Variants in RTEL1 observed in about 807,000 individuals in gnomAD.
RTEL1 encodes regulator of telomere elongation helicase 1.
RTEL1 carries 86 observed loss-of-function variants against 162.2 expected under a neutral mutation model. The observed-to-expected ratio is 0.53, with a 90% CI of 0.45 to 0.63. RTEL1 has a LOEUF of 0.63. Among genes scored for constraint, RTEL1 ranks in the 30% least tolerant of loss-of-function variants. The pLI is 0.00. For missense variants in RTEL1, 1,941 were observed against 1,750.2 expected (o/e 1.11, Z -1.95); for synonymous variants, 958 against 717.9 (o/e 1.33, Z -5.35).
intron 6 of RTEL1, among the ~76,000 whole-genome samples, chr20:63,664,209 G>T (rs1234608750): frequency 2.0e-5 from 3 of 152,156 alleles, no homozygotes; most frequent in African/African-American, 7.2e-5. Context: ...CTGGGACGGG[G>T]GGTTGGGCAG....
intron 30 of RTEL1, 128 bp downstream of exon 30, chr20:63,693,411 G>T (rs1375157522): frequency 9.0e-7 from 1 of 1,113,134 alleles, no homozygotes; most frequent in Non-Finnish European, 1.3e-6. Context: ...CCCTATGGGA[G>T]TGATGGGGGC....
At chr20:63,690,503 G>GGGGGGGGGGGGGGC in intron 26 of RTEL1, 62 bp downstream of exon 26, 2 of 1,028,418 alleles carry the variant, frequency 1.9e-6, no homozygotes, top group Non-Finnish European at 2.8e-6. Context: ...CGTGGGGCGG[G>GGGGGGGGGGGGGGC]CAGCACCAGG....
chr20:63,685,666 G>C, intron 15 of RTEL1, 69 bp downstream of exon 15: 4 of 1,588,618 alleles, frequency 2.5e-6, no homozygotes, highest in Non-Finnish European at 3.4e-6. Context: ...GGGCCTTACA[G>C]TCCTATAAGG....
chr20:63,688,073 T>C, intron 18 of RTEL1, 23 bp downstream of exon 18: 1 of 1,612,052 alleles, frequency 6.2e-7, no homozygotes, highest in South Asian at 1.1e-5. Context: ...CCCTGGGCCC[T>C]GCTGGGGTGG....
At chr20:63,689,016 G>C (rs376940536) in intron 21 of RTEL1, 39 bp from the exon 22 acceptor site, 51 of 1,568,818 alleles carry the variant, frequency 3.3e-5, no homozygotes, top group East Asian at 3.1e-4. Context: ...AGGGGCTGGG[G>C]GGGGGCTCCA....
intron 16 of RTEL1, chr20:63,686,899 C>A (rs922327880): frequency 3.0e-5 from 5 of 164,134 alleles, no homozygotes; most frequent in African/African-American, 9.6e-5. Context: ...CACTTGACTT[C>A]TCAGAAGCAG....
rs112662625 is a variant in RTEL1, at chr20:63,683,510, A to G, written c.1192-2013A>G. On this transcript the variant is annotated intron_variant, in intron 14 of 34. Coordinates refer to ENST00000360203, the MANE Select transcript of RTEL1 (RefSeq NM_001283009.2). ...AGGCACGTGCACATGCATGCAGAGTACGCACACACGCACGCACGCCTGCAC... is the reference window on the plus strand; with the variant it reads ...AGGCACGTGCACATGCATGCAGAGTGCGCACACACGCACGCACGCCTGCAC... Among the ~76,000 whole-genome samples the G allele has an allele frequency of 8.6e-3, 1,317 of 152,350 alleles. 10 individuals carry two copies. The highest frequency in any genetic ancestry group is 0.013 in the Non-Finnish European group (918 of 68,022).
At chr20:63,693,357 G>C (rs1345705985) in intron 30 of RTEL1, 74 bp downstream of exon 30, 42 of 1,576,054 alleles carry the variant, frequency 2.7e-5, no homozygotes, top group East Asian at 9.0e-5. Flanking sequence ...TGGGCTGCTT[G>C]GGGTGGGCAT....
In RTEL1 at chr20:63,659,341, C is replaced by G; in HGVS notation, c.-62C>G. ...CCTAAGATGTTCGGAGTGGTTTTTT[C>G]GCACAGACCCGAATAGCCTGCCCCT... On this transcript the variant is annotated 5_prime_UTR_variant, in exon 2 of 35. Coordinates refer to ENST00000360203, the MANE Select transcript of RTEL1 (RefSeq NM_001283009.2). 1 of 1,264,876 alleles carries G rather than the reference C, an allele frequency of 7.9e-7. No individual in the cohort carries two copies. The allele number at this position is 1,264,876 out of a possible 1,614,324, so 78.4% of individuals were successfully genotyped here.
At chr20:63,675,502 T>TTATA (rs11468552) in intron 10 of RTEL1, among the ~76,000 whole-genome samples, 1 of 150,404 alleles carries the variant, frequency 6.6e-6, no homozygotes, top group African/African-American at 2.4e-5. Context: ...TAGAATCCCT[T>TTATA]TATATATATA....
At chr20:63,693,624 A>ACCT (rs1568721242) in intron 30 of RTEL1, among the ~76,000 whole-genome samples, 26 of 22,344 alleles carry the variant, frequency 1.2e-3, no homozygotes, top group South Asian at 1.9e-3. Context: ...CACCTCCACC[A>ACCT]CCACCTCCAC....
chr20:63,673,572 G>A (rs868457731), intron 9 of RTEL1, among the ~76,000 whole-genome samples: 12 of 151,934 alleles, frequency 7.9e-5, no homozygotes, highest in Middle Eastern at 6.8e-3. Flanking sequence ...CCGAGTAGCC[G>A]GGACTACAGG....
At chr20:63,682,105 GAAT>G in intron 14 of RTEL1, 1 of 985,432 alleles carries the variant, frequency 1.0e-6, no homozygotes, top group Non-Finnish European at 1.2e-6. Flanking sequence ...TCCCTCCCTG[GAAT>G]ACAGCTTCCC....
Position 63,690,022 on chromosome 20 carries a change from A to G in RTEL1, c.2142-65A>G. The G allele has an allele frequency of 3.8e-6, 6 of 1,582,138 alleles. No homozygotes were observed. In the South Asian group the frequency reaches 4.5e-5, roughly 12 times the overall value. On this transcript the variant is annotated intron_variant, in intron 24 of 34. Transcript: ENST00000360203. ...GCCCCTGCAGCAGATGAGGGTCTTC[A>G]CTTCGGTGAACTGAACCCTTGAAGC...
At position 63,685,512 on chromosome 20, in the gene RTEL1, C is replaced by G. The variant is rs199628275; in HGVS notation, c.1192-11C>G. The G allele has an allele frequency of 6.2e-7, 1 of 1,611,984 alleles. No homozygotes were observed. The highest frequency in any genetic ancestry group is 8.5e-7 in the Non-Finnish European group (1 of 1,179,698). The stretch of plus-strand genomic sequence containing the variant: ...GGCTCCTGACGGGGCTGCACTTCCT[C>G]TGCCTTTCAGATTGTGTTCAGTGTG... On this transcript the variant is annotated splice_polypyrimidine_tract_variant and intron_variant, in intron 14 of 34. Transcript: ENST00000360203.
chr20:63,676,778 C>T (rs1393913143), intron 10 of RTEL1, among the ~76,000 whole-genome samples: 1 of 152,098 alleles, frequency 6.6e-6, no homozygotes, highest in Non-Finnish European at 1.5e-5. Flanking sequence ...ACTAAAAATA[C>T]AAAAAAATTA....
Position 63,692,794 on chromosome 20 carries a change from G to C in RTEL1, c.2653-11G>C, listed in dbSNP as rs2090784131. ...CTGGCCCTGATGGAGCCTCGGGCCT[G>C]TGTCCTGCAGGAGGAGCCCGTGGCT... On this transcript the variant is annotated splice_polypyrimidine_tract_variant and intron_variant, in intron 28 of 34. Transcript: ENST00000360203. 1.2e-6 allele frequency: 2 copies of C among 1,607,324 alleles called. No individual in the cohort carries two copies. Among genetic ancestry groups the C allele is most frequent in the Admixed American group, 1.7e-5 (1 of 59,878 alleles).
chr20:63,666,219 A>G, intron 7 of RTEL1, 140 bp downstream of exon 7: 2 of 712,738 alleles, frequency 2.8e-6, no homozygotes, highest in Non-Finnish European at 4.6e-6. Context: ...AGTACGAAAA[A>G]GTTTAAGCAG....
chr20:63,688,839 C>T (rs760139989), intron 21 of RTEL1: 4 of 640,782 alleles, frequency 6.2e-6, no homozygotes, highest in Non-Finnish European at 8.1e-6. Context: ...CCCTAGTCGG[C>T]CACCCTGGCC....
Sources: gnomAD v4.1 joint callset for allele counts (sites outside exome capture counted in the v4.1 genomes callset) on GRCh38, gnomAD v4.1.1 for gene constraint, MANE v1.5 for transcripts, NCBI Gene and HGNC (gene_info 2026-07-23, HGNC 2026-07-21) for gene names.